Variants in KALRN observed in about 807,000 individuals in gnomAD.
KALRN encodes the protein kalirin RhoGEF kinase, also known as kalirin.
A neutral mutation model predicts 353.7 loss-of-function variants in KALRN; 70 were observed. The ratio of observed to expected loss-of-function variants is 0.20; its 90% CI spans 0.16 to 0.24. The LOEUF (loss-of-function observed/expected upper bound fraction) is 0.24, where lower values mean the gene tolerates loss of function less well. Among genes scored for constraint, KALRN ranks in the 10% least tolerant of loss-of-function variants. The pLI is 1.00. For missense variants in KALRN, 2,791 were observed against 3,756.7 expected, an observed-to-expected ratio of 0.74 and a Z score of 6.72; for synonymous variants, 1,391 against 1,434.8, an observed-to-expected ratio of 0.97 and a Z score of 0.69.
At chr3:124,308,135 C>G (rs1304196141) in intron 6 of KALRN, among the ~76,000 whole-genome samples, 1 of 151,938 alleles carries the variant, frequency 6.6e-6, no homozygotes. Flanking sequence ...ACTATAAGCA[C>G]ATATACACCT....
At chr3:124,216,272 C>T (rs982979482) in intron 1 of KALRN, among the ~76,000 whole-genome samples, 14 of 152,118 alleles carry the variant, frequency 9.2e-5, no homozygotes, top group South Asian at 2.1e-4. Flanking sequence ...TCAGCTAAAC[C>T]GTGAGTGTCA....
intron 1 of KALRN, among the ~76,000 whole-genome samples, chr3:124,046,410 T>G (rs1305674930): frequency 2.6e-5 from 4 of 152,212 alleles, no homozygotes; most frequent in African/African-American, 9.7e-5. Context: ...GGAGCTCTTA[T>G]TAAGCTAACC....
At chr3:124,489,833 G>T (rs2062953830) in intron 29 of KALRN, among the ~76,000 whole-genome samples, 1 of 152,244 alleles carries the variant, frequency 6.6e-6, no homozygotes, top group Non-Finnish European at 1.5e-5. Flanking sequence ...GCAGTAATCT[G>T]TGTTTTCACA....
chr3:124,604,668 T>A (rs2077140281), intron 34 of KALRN, among the ~76,000 whole-genome samples: 1 of 152,154 alleles, frequency 6.6e-6, no homozygotes, highest in Admixed American at 6.5e-5. Flanking sequence ...GTTTTTTAAT[T>A]TCGTTTAAAA....
chr3:124,364,570 G>T (rs1384104890), intron 10 of KALRN, among the ~76,000 whole-genome samples: 2 of 152,188 alleles, frequency 1.3e-5, no homozygotes, highest in Non-Finnish European at 2.9e-5. Flanking sequence ...GATGGCCCTG[G>T]GTTTTGGCCG....
Position 124,650,855 on chromosome 3 carries a change from C to G in KALRN, c.5712C>G (p.Gly1904=), listed in dbSNP as rs1189591343. The part of the protein sequence containing the change: ...SYRGSLKDPA[G]CLNEGMAPPT... ...GGGGGAGCTTGAAAGACCCTGCAGG[C>G]TGCCTGAATGAGGGGATGGCCCCAC... is the stretch of plus-strand genomic sequence containing the variant. Residue 1904 remains glycine, a synonymous_variant, in exon 38 of 60, where the codon GGC becomes GGG. Coordinates refer to ENST00000682506, the MANE Select transcript of KALRN (RefSeq NM_001388419.1). 4 of 1,614,042 alleles carry G rather than the reference C, an allele frequency of 2.5e-6. No individual in the cohort carries two copies. The highest frequency in any genetic ancestry group is 2.5e-6 in the Non-Finnish European group (3 of 1,179,906).
At chr3:124,368,467 G>T (rs543499284) in intron 10 of KALRN, among the ~76,000 whole-genome samples, 1 of 149,566 alleles carries the variant, frequency 6.7e-6, no homozygotes, top group African/African-American at 2.5e-5. Flanking sequence ...GACGATGGGC[G>T]GCCGGGCAGA....
At chr3:124,585,485 ACTCT>A (rs1160405647) in intron 34 of KALRN, among the ~76,000 whole-genome samples, 1 of 152,110 alleles carries the variant, frequency 6.6e-6, no homozygotes, top group African/African-American at 2.4e-5. Flanking sequence ...TTAATTAACA[ACTCT>A]CTCTGTGCCC....
In KALRN at chr3:124,657,474, G is replaced by C. The variant is rs769995775; in HGVS notation, c.5889G>C (p.Lys1963Asn). 17 of 1,613,712 alleles carry C rather than the reference G, an allele frequency of 1.1e-5. No individual in the cohort carries two copies. Among genetic ancestry groups the C allele is most frequent in the Admixed American group, 3.3e-5 (2 of 59,994 alleles). ...GCTTCATGAAGAGAATAGAAGAAAA[G>C]GGTGTCCCTGAGGATATGCGAGGAA... is the stretch of plus-strand genomic sequence containing the variant. ...VEGFMKRIEE[K>N]GVPEDMRGKD... is the part of the protein sequence containing the mutation. The change falls in exon 40 of 60, where the codon AAG (lysine) becomes AAC (asparagine). Residue 1963 changes from lysine to asparagine, a missense_variant. Lys to Asn is a moderately conservative substitution (Grantham distance 94). This residue lies in a region of KALRN where 1,065 missense variants were observed against 1,156.4 expected (regional missense o/e 0.92). Transcript: ENST00000682506.
chr3:124,298,664 C>A, intron 5 of KALRN, 127 bp from the exon 6 acceptor site: 1 of 1,108,036 alleles, frequency 9.0e-7, no homozygotes, highest in South Asian at 1.4e-5. Context: ...CCCCGAGACT[C>A]AGAACAATAA....
chr3:124,702,183 T>G, intron 57 of KALRN, 67 bp downstream of exon 57: 1 of 958,284 alleles, frequency 1.0e-6, no homozygotes, highest in South Asian at 1.6e-5. Context: ...AACAGTAACT[T>G]TTTGTTGTTG....
Position 124,726,311 on chromosome 3 carries a change from A to T in KALRN, c.*6841A>T, listed in dbSNP as rs941459365. 6.6e-6 allele frequency: 1 copy of T among 152,210 alleles called. No homozygotes were observed. The highest frequency in any genetic ancestry group is 1.5e-5 in the Non-Finnish European group (1 of 68,038). The allele number at this position is 152,210 out of a possible 1,614,324, so 9.4% of individuals were successfully genotyped here. On this transcript the variant is annotated 3_prime_UTR_variant, in exon 60 of 60. Coordinates refer to ENST00000682506, the MANE Select transcript of KALRN (RefSeq NM_001388419.1). ...TGTTATGCATTCCTATAAATATACT[A>T]TACTAAAGATACTATATGGTTGTCT...
chr3:124,334,130 C>T lies in KALRN; in HGVS notation c.1417-135C>T. On this transcript the variant is annotated intron_variant, in intron 8 of 59. Transcript: ENST00000682506. The surrounding 1 kb of genome is among the most constrained non-coding windows in gnomAD (Gnocchi z 4.2). ...TGGGCCCCATGGCAGCTCTGGCTGG[C>T]TAGGTGTCTGGGTATGGAATGCCTG... The T allele has an allele frequency of 1.4e-6, 1 of 736,564 alleles. No homozygotes were observed. The highest frequency in any genetic ancestry group is 2.3e-6 in the Non-Finnish European group (1 of 432,682). 45.6% of individuals were successfully genotyped at this position (736,564 alleles called of 1,614,324 possible).
In KALRN at chr3:124,181,076, C is replaced by CAAAAAAAAAA. The variant is rs60579271; in HGVS notation, c.74-46898_74-46889dup. ...CAAAACCCCATCTCTACTAAAAATA[C>CAAAAAAAAAA]AAAAAAAAAAAAAAAAAAAAAAAAA... is the stretch of plus-strand genomic sequence containing the variant. On this transcript the variant is annotated intron_variant, in intron 1 of 59. Transcript: ENST00000682506. Among the ~76,000 whole-genome samples the CAAAAAAAAAA allele has an allele frequency of 9.4e-4, 52 of 55,184 alleles. 1 individual carries two copies. Among genetic ancestry groups the CAAAAAAAAAA allele is most frequent in the African/African-American group, 1.5e-3 (20 of 13,372 alleles). 36.2% of individuals were successfully genotyped at this position (55,184 alleles called of 152,430 possible). A position where few individuals can be genotyped will look rare whatever the true frequency, so the allele number is the denominator to read the frequency against.
chr3:124,413,516 T>A lies in KALRN; in HGVS notation c.2393T>A (p.Met798Lys). 6.2e-7 allele frequency: 1 copy of A among 1,614,144 alleles called. No homozygotes were observed. Among genetic ancestry groups the A allele is most frequent in the Non-Finnish European group, 8.5e-7 (1 of 1,180,006 alleles). ...TGGAATGAAGACTTGCTTCGGCAGA[T>A]GAATGACTTCAACACAGAGGACCTA... ...DAWNEDLLRQ[M>K]NDFNTEDLTL... The change falls in exon 14 of 60, where the codon ATG becomes AAG. Residue 798 changes from methionine (M) to lysine (K), a missense_variant. Around this residue, in one of 11 missense-constraint regions of KALRN, gnomAD observed 452 missense variants for 575.8 expected, o/e 0.78. Coordinates refer to ENST00000682506, the MANE Select transcript of KALRN (RefSeq NM_001388419.1).
chr3:124,075,037 C>G (rs1443680806), intron 1 of KALRN, among the ~76,000 whole-genome samples: 1 of 152,162 alleles, frequency 6.6e-6, no homozygotes, highest in Non-Finnish European at 1.5e-5. Flanking sequence ...AAGAGCCATA[C>G]TGTCTTTTTC....
chr3:124,590,026 C>CTT (rs1210768149), intron 34 of KALRN, among the ~76,000 whole-genome samples: 1 of 151,396 alleles, frequency 6.6e-6, no homozygotes, highest in Non-Finnish European at 1.5e-5. Flanking sequence ...TTCTTTTTTT[C>CTT]TTTTTTTTAA....
chr3:124,168,805 A>G (rs1389508840), intron 1 of KALRN, among the ~76,000 whole-genome samples: 1 of 152,206 alleles, frequency 6.6e-6, no homozygotes, highest in African/African-American at 2.4e-5. Context: ...TCGGCCTCTC[A>G]AGGAAGAGGA....
chr3:124,242,037 G>T (rs984053265), intron 3 of KALRN, among the ~76,000 whole-genome samples: 1 of 152,168 alleles, frequency 6.6e-6, no homozygotes, highest in African/African-American at 2.4e-5. Context: ...GTAGAATTCT[G>T]TGGGTCTAGT....
Sources: gnomAD v4.1 joint callset for allele counts (sites outside exome capture counted in the v4.1 genomes callset) on GRCh38, gnomAD v4.1.1 for gene constraint, gnomAD v4.1.1 regional missense constraint, Gnocchi (gnomAD v3.1) non-coding constraint, MANE v1.5 for transcripts, NCBI Gene and HGNC (gene_info 2026-07-23, HGNC 2026-07-21) for gene names.